GPI: variants seen among roughly 807,000 people sequenced by gnomAD.
GPI encodes D-hexose-6-phosphate anomerase.
In GPI, 56 loss-of-function variants were observed where a neutral mutation model predicts 75.8. That is an observed-to-expected ratio of 0.74 (90% CI 0.60 to 0.92). The LOEUF is 0.92. Ranked by LOEUF, GPI falls within the 40% of genes least tolerant of loss-of-function variation. GPI has a pLI of 0.00. For missense variants in GPI, 638 were observed against 741.0 expected (o/e 0.86, Z 1.61); for synonymous variants, 288 against 285.4 (o/e 1.01, Z -0.09).
At chr19:34,378,010 C>A in intron 6 of GPI, 129 bp downstream of exon 6, 1 of 881,580 alleles carries the variant, frequency 1.1e-6, no homozygotes, top group Non-Finnish European at 1.9e-6. Context: ...GTTTGTGGAT[C>A]AGGTCAGTAC....
chr19:34,375,806 A>G (rs1403259174), intron 4 of GPI, among the ~76,000 whole-genome samples: 1 of 151,968 alleles, frequency 6.6e-6, no homozygotes, highest in African/African-American at 2.4e-5. Flanking sequence ...GTCACATTTC[A>G]CCCCTTTTTG....
intron 4 of GPI, among the ~76,000 whole-genome samples, chr19:34,373,559 A>G (rs1273822805): frequency 1.4e-5 from 2 of 145,164 alleles, no homozygotes; most frequent in African/African-American, 5.0e-5. Flanking sequence ...TCCATCTCCA[A>G]AAAAAAAAAA....
chr19:34,380,073 T>C (rs1276079549), intron 8 of GPI, among the ~76,000 whole-genome samples: 1 of 144,842 alleles, frequency 6.9e-6, no homozygotes, highest in Non-Finnish European at 1.5e-5. Flanking sequence ...CTTGGCTCAC[T>C]GCAACCTCTG....
At chr19:34,369,183 G>T (rs1360965750) in intron 4 of GPI, among the ~76,000 whole-genome samples, 1 of 151,814 alleles carries the variant, frequency 6.6e-6, no homozygotes, top group Non-Finnish European at 1.5e-5. Flanking sequence ...CGAGTAGCTG[G>T]AATTACAATT....
chr19:34,399,019 CTT>C (rs1396317106), intron 14 of GPI, 186 bp from the exon 15 acceptor site: 1 of 535,452 alleles, frequency 1.9e-6, no homozygotes, highest in Non-Finnish European at 3.3e-6. Flanking sequence ...GTGTGTAGTT[CTT>C]AAAGAGCAGT....
intron 9 of GPI, among the ~76,000 whole-genome samples, chr19:34,385,004 C>G (rs1389301411): frequency 6.7e-6 from 1 of 149,732 alleles, no homozygotes; most frequent in African/African-American, 2.5e-5. Flanking sequence ...CTACTGCACT[C>G]CAGCCTGGGT....
intron 9 of GPI, among the ~76,000 whole-genome samples, chr19:34,390,808 A>G (rs4538119): frequency 0.67 from 96,864 of 144,668 alleles, 35,456 homozygotes; most frequent in Non-Finnish European, 0.82. Context: ...CACCTGGCAC[A>G]GGTATGAGAA....
At chr19:34,394,635 G>A (rs1361785473) in intron 12 of GPI, among the ~76,000 whole-genome samples, 2 of 151,360 alleles carry the variant, frequency 1.3e-5, no homozygotes, top group African/African-American at 4.9e-5. Context: ...CTTCTCCCTT[G>A]GGATCTCCAG....
At chr19:34,368,760 C>A in intron 4 of GPI, 58 bp downstream of exon 4, 1 of 1,605,568 alleles carries the variant, frequency 6.2e-7, no homozygotes, top group South Asian at 1.1e-5. Flanking sequence ...ATTTGGGAAT[C>A]TGGGAGCCCT....
chr19:34,378,731 T>TG (rs1042097531), intron 6 of GPI, among the ~76,000 whole-genome samples: 3 of 152,156 alleles, frequency 2.0e-5, no homozygotes, highest in African/African-American at 4.8e-5. Context: ...GGCTTAGGGT[T>TG]GGGGGGTGTG....
chr19:34,369,370 G>T (rs539886121), intron 4 of GPI, among the ~76,000 whole-genome samples: 2 of 151,970 alleles, frequency 1.3e-5, no homozygotes, highest in South Asian at 4.2e-4. Flanking sequence ...TTTGTCATAC[G>T]CCCTTATCAC....
chr19:34,397,650 T>TA (rs2145432163), intron 14 of GPI: 1 of 149,672 alleles, frequency 6.7e-6, no homozygotes, highest in East Asian at 1.9e-4. Context: ...TACAGGCACT[T>TA]ACAGGCACTA....
At chr19:34,371,539 G>A (rs2074452348) in intron 4 of GPI, among the ~76,000 whole-genome samples, 1 of 152,084 alleles carries the variant, frequency 6.6e-6, no homozygotes, top group African/African-American at 2.4e-5. Context: ...ATGAAGGCTG[G>A]GTGTAATTGT....
At chr19:34,380,350 C>T (rs1165678197) in intron 8 of GPI, among the ~76,000 whole-genome samples, 1 of 152,094 alleles carries the variant, frequency 6.6e-6, no homozygotes, top group African/African-American at 2.4e-5. Flanking sequence ...GTGGTACGAT[C>T]TTGGCTCACT....
At position 34,400,398 on chromosome 19, in the gene GPI, T is replaced by C. The variant is rs1222959223; in HGVS notation, c.*362T>C. On this transcript the variant is annotated 3_prime_UTR_variant, in exon 18 of 18. Coordinates refer to ENST00000356487, the MANE Select transcript of GPI (RefSeq NM_000175.5). ...TTTATGTAGCAGAGGGCAGGAGCGCTCAGCAGGACGCAGGCTGTGCCTCTG... is the reference window on the plus strand; with the variant it reads ...TTTATGTAGCAGAGGGCAGGAGCGCCCAGCAGGACGCAGGCTGTGCCTCTG... 1 of 594,960 alleles carries C rather than the reference T, an allele frequency of 1.7e-6. No individual in the cohort carries two copies. The allele number at this position is 594,960 out of a possible 1,614,324, so 36.9% of individuals were successfully genotyped here.
Position 34,394,044 on chromosome 19 carries a change from G to T in GPI, c.1040G>T (p.Arg347Leu), listed in dbSNP as rs137853583. Reference sequence around the variant, plus strand: ...CTGCCCTATGACCAGTACCTGCACCGCTTTGCTGCGTACTTCCAGCAGGTA... The same window carrying T: ...CTGCCCTATGACCAGTACCTGCACCTCTTTGCTGCGTACTTCCAGCAGGTA... ...AMLPYDQYLH[R>L]FAAYFQQGDM... is the part of the protein sequence containing the mutation. The change falls in exon 12 of 18, where the codon CGC becomes CTC. Residue 347 changes from arginine to leucine, a missense_variant. Physicochemically the swap from Arg to Leu is moderately radical, Grantham distance 102. Transcript: ENST00000356487. 6.2e-7 allele frequency: 1 copy of T among 1,612,304 alleles called. No individual in the cohort carries two copies. The highest frequency in any genetic ancestry group is 2.2e-5 in the East Asian group (1 of 44,870).
intron 4 of GPI, among the ~76,000 whole-genome samples, chr19:34,375,719 T>C (rs1278365700): frequency 6.6e-6 from 1 of 152,232 alleles, no homozygotes; most frequent in African/African-American, 2.4e-5. Context: ...CTTCACAACA[T>C]GATAGACAGC....
At chr19:34,370,037 A>G (rs1160876089) in intron 4 of GPI, among the ~76,000 whole-genome samples, 1 of 152,236 alleles carries the variant, frequency 6.6e-6, no homozygotes, top group Non-Finnish European at 1.5e-5. Flanking sequence ...ACATGCACAC[A>G]GGTTGGTTTT....
rs8191408 is a variant in GPI, at chr19:34,389,115, A to C, written c.805-4133A>C. On this transcript the variant is annotated intron_variant, in intron 9 of 17. Coordinates refer to ENST00000356487, the MANE Select transcript of GPI (RefSeq NM_000175.5). ...TCTTAAAAAAAAAAGAAAAAAATAGAACTGCATCTGTTAGATGAGATGTGA... is the reference window on the plus strand; with the variant it reads ...TCTTAAAAAAAAAAGAAAAAAATAGCACTGCATCTGTTAGATGAGATGTGA... Among the ~76,000 whole-genome samples the C allele has an allele frequency of 3.0e-4, 45 of 152,156 alleles. 1 individual carries two copies. The East Asian group carries it at 6.4e-3, about 22-fold the overall frequency.
Sources: gnomAD v4.1 joint callset for allele counts (sites outside exome capture counted in the v4.1 genomes callset) on GRCh38, gnomAD v4.1.1 for gene constraint, MANE v1.5 for transcripts, NCBI Gene and HGNC (gene_info 2026-07-23, HGNC 2026-07-21) for gene names.